The following SPEF2 variants were observed in gnomAD, a reference collection of about 807,000 sequenced individuals.
SPEF2 encodes the protein sperm flagella and cilia-associated protein 2.
In SPEF2, 187 loss-of-function variants were observed where a neutral mutation model predicts 224.6. That is an observed-to-expected ratio of 0.83 (90% CI 0.74 to 0.94). The LOEUF (loss-of-function observed/expected upper bound fraction) is 0.94. SPEF2 is among the 40% of genes least tolerant of loss of function. SPEF2 has a pLI of 0.00. For synonymous variants in SPEF2, 715 were observed against 707.3 expected (o/e 1.01, Z -0.17); for missense variants, 2,170 against 2,135.6 (o/e 1.02, Z -0.32).
intron 21 of SPEF2, among the ~76,000 whole-genome samples, chr5:35,739,630 C>T (rs1747243095): frequency 6.6e-6 from 1 of 152,174 alleles, no homozygotes; most frequent in South Asian, 2.1e-4. Flanking sequence ...ATCTGCCCAC[C>T]TTGGCCTCCC....
In SPEF2 at chr5:35,792,417, A is replaced by G; in HGVS notation, c.4525A>G (p.Ser1509Gly). ...TLNLGTNNFP[S>G]NWMHLTQPEL... is the part of the protein sequence containing the mutation. ...GAACCTTGGCACAAACAACTTTCCT[A>G]GTAATTGGATGCACCTTACCCAACC... is the stretch of plus-strand genomic sequence containing the variant. Residue 1509 changes from serine (S) to glycine (G), a missense_variant, in exon 31 of 37, where the codon AGT becomes GGT. Coordinates refer to ENST00000356031, the MANE Select transcript of SPEF2 (RefSeq NM_024867.4). The G allele has an allele frequency of 6.2e-7, 1 of 1,613,804 alleles. No homozygotes were observed. The highest frequency in any genetic ancestry group is 1.7e-4 in the Middle Eastern group (1 of 6,058).
At chr5:35,796,612 A>G (rs1258787354) in intron 33 of SPEF2, among the ~76,000 whole-genome samples, 2 of 145,608 alleles carry the variant, frequency 1.4e-5, no homozygotes, top group Non-Finnish European at 1.5e-5. Flanking sequence ...ACTGTCTCAA[A>G]AAAAAAAAAA....
chr5:35,717,780 T>A (rs1426053813), intron 20 of SPEF2, among the ~76,000 whole-genome samples: 3 of 152,194 alleles, frequency 2.0e-5, no homozygotes, highest in Non-Finnish European at 2.9e-5. Flanking sequence ...GCAGGCTGGT[T>A]GGAGTTTCTC....
rs979311851 is a variant in SPEF2 at position 35,753,686 on chromosome 5, G to C, written c.3393G>C (p.Arg1131=). 6 of 1,614,010 alleles carry C rather than the reference G, an allele frequency of 3.7e-6. No homozygotes were observed. The African/African-American group carries it at 6.7e-5, about 18-fold the overall frequency. The change falls in exon 24 of 37, where the codon CGG becomes CGC. Residue 1131 remains arginine, a synonymous_variant. Transcript: ENST00000356031. Reference sequence around the variant, plus strand: ...GGAAGGAAGAGGCGGAGCAGGAGCGGCTTGACATCATTAATGAGAGCTGGT... The same window carrying C: ...GGAAGGAAGAGGCGGAGCAGGAGCGCCTTGACATCATTAATGAGAGCTGGT... ...DARKEEAEQE[R]LDIINESWLQ...
intron 30 of SPEF2, among the ~76,000 whole-genome samples, chr5:35,780,612 A>C (rs1457713904): frequency 6.6e-6 from 1 of 152,224 alleles, no homozygotes; most frequent in Non-Finnish European, 1.5e-5. Context: ...ACCCTCTTCT[A>C]CATGGTGCGA....
At chr5:35,674,053 A>T (rs1386678638) in intron 10 of SPEF2, among the ~76,000 whole-genome samples, 1 of 152,228 alleles carries the variant, frequency 6.6e-6, no homozygotes, top group Non-Finnish European at 1.5e-5. Context: ...GATAGATTTT[A>T]GTAGATGAAT....
chr5:35,715,928 T>C (rs1742492330), intron 20 of SPEF2, among the ~76,000 whole-genome samples: 1 of 150,804 alleles, frequency 6.6e-6, no homozygotes, highest in Admixed American at 6.7e-5. Context: ...ATCAGTTAGA[T>C]TCATATTGAA....
Position 35,763,664 on chromosome 5 carries a change from G to C in SPEF2, c.3763G>C (p.Asp1255His). The change falls in exon 26 of 37, where the codon GAC (aspartate) becomes CAC (histidine). Residue 1255 changes from aspartate to histidine, a missense_variant. Physicochemically the swap from Asp to His is moderately conservative, Grantham distance 81 (BLOSUM62 -1). Transcript: ENST00000356031. ...TGAGGCCGATGAAAAGTTGGTCATGGACACCTGGCAGCAGGCTTCTTTAGC... is the reference window on the plus strand; with the variant it reads ...TGAGGCCGATGAAAAGTTGGTCATGCACACCTGGCAGCAGGCTTCTTTAGC... Reference protein sequence around the residue: ...NFEADEKLVMDTWQQASLAVS... With the variant: ...NFEADEKLVMHTWQQASLAVS... 1 of 1,613,264 alleles carries C rather than the reference G, an allele frequency of 6.2e-7. No individual in the cohort carries two copies. The highest frequency in any genetic ancestry group is 8.5e-7 in the Non-Finnish European group (1 of 1,179,770).
chr5:35,671,068 G>A (rs1051402730), intron 10 of SPEF2: 7 of 985,290 alleles, frequency 7.1e-6, no homozygotes, highest in Non-Finnish European at 8.4e-6. Flanking sequence ...GCAATGGAAT[G>A]AGGAGTGAGG....
intron 25 of SPEF2, 131 bp downstream of exon 25, chr5:35,759,850 A>G (rs1750979386): frequency 1.2e-5 from 11 of 895,952 alleles, no homozygotes; most frequent in Non-Finnish European, 1.7e-5. Context: ...TCTAATAACC[A>G]AACATGTTTT....
intron 21 of SPEF2, among the ~76,000 whole-genome samples, chr5:35,728,533 G>C (rs1745072598): frequency 6.6e-6 from 1 of 152,162 alleles, no homozygotes; most frequent in Admixed American, 6.5e-5. Flanking sequence ...GATGAACTCA[G>C]TAGCAACCAT....
At chr5:35,697,652 AT>A in intron 14 of SPEF2, 37 bp from the exon 15 acceptor site, 1 of 1,532,690 alleles carries the variant, frequency 6.5e-7, no homozygotes, top group South Asian at 1.2e-5. Context: ...TGACTTTTAA[AT>A]TAGCCATCTT....
At position 35,644,465 on chromosome 5, in the gene SPEF2, T is replaced by G. The variant is rs779271349; in HGVS notation, c.525T>G (p.Phe175Leu). 5.0e-6 allele frequency: 8 copies of G among 1,610,864 alleles called. No individual in the cohort carries two copies. The highest frequency in any genetic ancestry group is 6.8e-6 in the Non-Finnish European group (8 of 1,178,980). The change falls in exon 4 of 37, where the codon TTT (phenylalanine) becomes TTG (leucine). Residue 175 changes from phenylalanine to leucine, a missense_variant. By Grantham distance (22) the Phe-to-Leu change is conservative. Coordinates refer to ENST00000356031, the MANE Select transcript of SPEF2 (RefSeq NM_024867.4). ...AAGAAGATCTTGCCCATTTGCATTT[T>G]GAGAAACTTGAAAGATTTCAAAAAC... ...HVKEDLAHLHFEKLERFQKLK... is the reference protein window; with the variant it reads ...HVKEDLAHLHLEKLERFQKLK...
chr5:35,733,482 A>C (rs1419516592), intron 21 of SPEF2, among the ~76,000 whole-genome samples: 1 of 152,202 alleles, frequency 6.6e-6, no homozygotes, highest in Non-Finnish European at 1.5e-5. Flanking sequence ...AATATCAAAA[A>C]AGGCCCTCAC....
At chr5:35,810,703 C>G (rs978442780) in intron 36 of SPEF2, among the ~76,000 whole-genome samples, 2 of 152,176 alleles carry the variant, frequency 1.3e-5, no homozygotes, top group African/African-American at 2.4e-5. Context: ...GCACATTTGC[C>G]AAGCTTTCCT....
At chr5:35,764,787 C>T (rs1325296669) in intron 26 of SPEF2, 3 of 447,630 alleles carry the variant, frequency 6.7e-6, no homozygotes, top group South Asian at 4.8e-5. Context: ...ATACAAGCAG[C>T]CTGTGTTTCC....
In SPEF2 at chr5:35,753,548, A is replaced by T. The variant is rs1750004729; in HGVS notation, c.3331-76A>T. On this transcript the variant is annotated intron_variant, in intron 23 of 36. Transcript: ENST00000356031. ...GAGACATTTTTAAGAGAGGCAAAGG[A>T]TTTTAGTTTTATTGCACCTAGGTGA... 5 of 1,593,802 alleles carry T rather than the reference A, an allele frequency of 3.1e-6. No homozygotes were observed. The East Asian group carries it at 1.1e-4, about 36-fold the overall frequency.
At chr5:35,631,922 T>G (rs1745194591) in intron 2 of SPEF2, among the ~76,000 whole-genome samples, 1 of 152,252 alleles carries the variant, frequency 6.6e-6, no homozygotes, top group Non-Finnish European at 1.5e-5. Context: ...TGAAAGGATG[T>G]ATGTAGATTA....
chr5:35,792,101 G>A (rs1254505353), intron 30 of SPEF2, among the ~76,000 whole-genome samples: 1 of 151,802 alleles, frequency 6.6e-6, no homozygotes, highest in African/African-American at 2.4e-5. Flanking sequence ...TACTCAATCT[G>A]GATTTAATTA....
Sources: allele counts gnomAD v4.1 joint callset (sites outside exome capture counted in the v4.1 genomes callset), GRCh38; gene constraint gnomAD v4.1.1; transcripts MANE v1.5; gene names NCBI Gene and HGNC (gene_info 2026-07-23, HGNC 2026-07-21).